The following PTN variants were observed in gnomAD, a reference collection of about 807,000 sequenced individuals.
PTN encodes heparin affin regulatory protein.
PTN carries 18 observed loss-of-function variants against 24.1 expected under a neutral mutation model. That is an observed-to-expected ratio of 0.75 (90% CI 0.52 to 1.11). PTN has a LOEUF of 1.11. PTN is among the 50% of genes least tolerant of loss of function. The pLI is 0.00. For synonymous variants in PTN, 78 were observed against 68.6 expected, an observed-to-expected ratio of 1.14 and a Z score of -0.67; for missense variants, 163 against 198.8, an observed-to-expected ratio of 0.82 and a Z score of 1.08.
At position 137,297,910 on chromosome 7, in the gene PTN, G is replaced by T. The variant is rs1256128118; in HGVS notation, c.-1-42936C>A. ...GGCTAGAAGCTTTCCAAAGTGGGCA[G>T]GAATGGGGAATGTTTCCAGGTGTCG... On this transcript the variant is annotated intron_variant, in intron 1 of 4. Transcript: ENST00000348225. Among the ~76,000 whole-genome samples, 5 of 147,042 alleles carry T rather than the reference G, an allele frequency of 3.4e-5. 1 individual carries two copies. The highest frequency in any genetic ancestry group is 2.7e-4 in the Admixed American group (4 of 14,760).
chr7:137,301,330 G>A (rs528464158), intron 1 of PTN, among the ~76,000 whole-genome samples: 46 of 151,994 alleles, frequency 3.0e-4, no homozygotes, highest in Admixed American at 5.9e-4. Flanking sequence ...GGTAGACAGC[G>A]TAGGCTCCTC....
intron 1 of PTN, among the ~76,000 whole-genome samples, chr7:137,265,204 C>T (rs1351727952): frequency 2.0e-5 from 3 of 152,106 alleles, no homozygotes; most frequent in South Asian, 2.1e-4. Flanking sequence ...CTGTATTCCT[C>T]GTGGGACTCC....
At chr7:137,231,192 T>C (rs1452659219) in intron 4 of PTN, among the ~76,000 whole-genome samples, 1 of 151,988 alleles carries the variant, frequency 6.6e-6, no homozygotes, top group African/African-American at 2.4e-5. Context: ...GCCTTGTGTG[T>C]AAAAGCTGAT....
intron 1 of PTN, among the ~76,000 whole-genome samples, chr7:137,296,664 ACT>A (rs1809722871): frequency 6.6e-6 from 1 of 151,956 alleles, no homozygotes; most frequent in South Asian, 2.1e-4. Flanking sequence ...GGAGAGTAGA[ACT>A]CTGATTTCAC....
intron 1 of PTN, among the ~76,000 whole-genome samples, chr7:137,320,299 A>G (rs1278256449): frequency 6.6e-6 from 1 of 152,254 alleles, no homozygotes; most frequent in Non-Finnish European, 1.5e-5. Context: ...AAAGAGTAAG[A>G]CCCACACATA....
intron 1 of PTN, among the ~76,000 whole-genome samples, chr7:137,321,165 G>A (rs1041980085): frequency 1.3e-5 from 2 of 152,176 alleles, no homozygotes; most frequent in East Asian, 1.9e-4. Flanking sequence ...TAACACATGT[G>A]CAGCTAAACA....
At chr7:137,235,176 G>A (rs28489068) in intron 4 of PTN, among the ~76,000 whole-genome samples, 43,553 of 151,858 alleles carry the variant, frequency 0.29, 7,171 homozygotes, top group African/African-American at 0.44. Flanking sequence ...CCATCGCAAC[G>A]TAAATATGTT....
At chr7:137,273,125 A>G (rs1809303874) in intron 1 of PTN, among the ~76,000 whole-genome samples, 1 of 152,262 alleles carries the variant, frequency 6.6e-6, no homozygotes, top group Non-Finnish European at 1.5e-5. Context: ...AAGGGAGAGA[A>G]CATTATCTCT....
chr7:137,266,555 AC>A (rs1461628783), intron 1 of PTN, among the ~76,000 whole-genome samples: 3 of 152,076 alleles, frequency 2.0e-5, no homozygotes, highest in Non-Finnish European at 4.4e-5. Context: ...TTTTAAAAAA[AC>A]AACCAGTTAA....
chr7:137,239,994 G>C (rs896575276), intron 4 of PTN, among the ~76,000 whole-genome samples: 1 of 152,158 alleles, frequency 6.6e-6, no homozygotes, highest in East Asian at 1.9e-4. Context: ...TTGAACTTCT[G>C]CTTGTTTCGT....
At chr7:137,274,279 A>G (rs1011077316) in intron 1 of PTN, among the ~76,000 whole-genome samples, 5 of 152,180 alleles carry the variant, frequency 3.3e-5, no homozygotes, top group Non-Finnish European at 5.9e-5. Context: ...CCATTTGTCA[A>G]AAAAAGAAAA....
intron 4 of PTN, among the ~76,000 whole-genome samples, chr7:137,228,390 A>G (rs1808371041): frequency 1.3e-5 from 2 of 151,758 alleles, no homozygotes; most frequent in African/African-American, 2.4e-5. Context: ...TAGGCAAGAT[A>G]TTGACTTGGG....
chr7:137,230,999 T>C (rs1246580783), intron 4 of PTN, among the ~76,000 whole-genome samples: 1 of 151,848 alleles, frequency 6.6e-6, no homozygotes, highest in Admixed American at 6.6e-5. Flanking sequence ...ATGCCTCCCA[T>C]CCTTCAGGTA....
chr7:137,252,049 C>A (rs556822235), intron 3 of PTN, among the ~76,000 whole-genome samples: 5 of 151,882 alleles, frequency 3.3e-5, no homozygotes, highest in Non-Finnish European at 7.3e-5. Context: ...AGATAAATTA[C>A]CAAGAAACTG....
chr7:137,319,528 C>G (rs1185034083), intron 1 of PTN, among the ~76,000 whole-genome samples: 1 of 152,200 alleles, frequency 6.6e-6, no homozygotes, highest in Admixed American at 6.5e-5. Flanking sequence ...CCACAGTCCT[C>G]CTTGTTTAGC....
chr7:137,329,854 C>T (rs137881203), intron 1 of PTN, among the ~76,000 whole-genome samples: 78 of 152,194 alleles, frequency 5.1e-4, no homozygotes, highest in African/African-American at 1.7e-3. Flanking sequence ...TAGACACAAT[C>T]GTAGGAACAA....
intron 1 of PTN, among the ~76,000 whole-genome samples, chr7:137,268,734 G>A (rs923416542): frequency 1.3e-5 from 2 of 152,188 alleles, no homozygotes; most frequent in African/African-American, 2.4e-5. Flanking sequence ...TGGTTCCTTG[G>A]TTTCGGGTCT....
chr7:137,271,521 A>C (rs985103127), intron 1 of PTN, among the ~76,000 whole-genome samples: 4 of 152,250 alleles, frequency 2.6e-5, no homozygotes, highest in Admixed American at 1.3e-4. Flanking sequence ...ATTCGAAGGA[A>C]ATACACTGGG....
intron 1 of PTN, among the ~76,000 whole-genome samples, chr7:137,312,915 A>G (rs1340076212): frequency 1.3e-5 from 2 of 152,226 alleles, no homozygotes; most frequent in Non-Finnish European, 2.9e-5. Context: ...AAAAGAAAAA[A>G]GACTAAATAT....
Sources: gnomAD v4.1 joint callset for allele counts (sites outside exome capture counted in the v4.1 genomes callset) on GRCh38, gnomAD v4.1.1 for gene constraint, MANE v1.5 for transcripts, NCBI Gene and HGNC (gene_info 2026-07-23, HGNC 2026-07-21) for gene names.